Variants in CDH18 observed in about 807,000 individuals in gnomAD.
CDH18 encodes cadherin-18.
Under a neutral mutation model 67.9 loss-of-function variants are expected in CDH18, and 31 were observed. The observed-to-expected ratio is 0.46, with a 90% CI of 0.34 to 0.62. The LOEUF (loss-of-function observed/expected upper bound fraction) is 0.62. Among genes scored for constraint, CDH18 ranks in the 20% least tolerant of loss-of-function variants. CDH18 has a pLI of 0.01. For missense variants in CDH18, 890 were observed against 975.5 expected, an observed-to-expected ratio of 0.91 and a Z score of 1.17; for synonymous variants, 362 against 347.2, an observed-to-expected ratio of 1.04 and a Z score of -0.48.
Position 19,721,347 on chromosome 5 carries a change from C to T in CDH18, c.643G>A (p.Gly215Arg), listed in dbSNP as rs757870883. ...GCGAGTTATGTGTAAATGCACTAAC[C>T]TGTTTTAGGGTCGACGGAGAAGTAG... ...QPYFSVDPKT[G>R]VIRTALHNMD... Residue 215 changes from glycine to arginine, a missense_variant and splice_region_variant, in exon 5 of 13, where the codon GGA (glycine) becomes AGA (arginine). Transcript: ENST00000382275. 5.7e-6 allele frequency: 9 copies of T among 1,590,988 alleles called. No individual in the cohort carries two copies. Among genetic ancestry groups the T allele is most frequent in the Non-Finnish European group, 2.6e-6 (3 of 1,164,570 alleles).
chr5:20,040,600 C>T lies in CDH18; in HGVS notation c.-517-48586G>A, dbSNP rs1023969807. The stretch of plus-strand genomic sequence containing the variant: ...CAATATATAAAAAGCATCCTGGGAG[C>T]GATTCTCTTTCTAGCTTCAATGAGC... On this transcript the variant is annotated intron_variant, in intron 2 of 14. Transcript: ENST00000507958. 3.3e-5 allele frequency among the ~76,000 whole-genome samples: 5 copies of T among 152,162 alleles called. No homozygotes were observed. In the East Asian group the frequency reaches 7.7e-4, roughly 24 times the overall value.
chr5:20,308,540 C>CAAAAAAAAA (rs35827739), intron 1 of CDH18, among the ~76,000 whole-genome samples: 1 of 126,742 alleles, frequency 7.9e-6, no homozygotes, highest in South Asian at 2.6e-4. Context: ...GAGACTCAGT[C>CAAAAAAAAA]AAAAAAAAAA....
In CDH18 at chr5:20,560,100, G is replaced by A. The variant is rs149117169; in HGVS notation, c.-580+15362C>T. ...AGCTGCTAAGTGCAGGTGAGAAGTC[G>A]TCATGGAAAATTCAAGAACTGAATC... On this transcript the variant is annotated intron_variant, in intron 1 of 14. Transcript: ENST00000507958. Among the ~76,000 whole-genome samples, 515 of 152,198 alleles carry A rather than the reference G, an allele frequency of 3.4e-3. 9 individuals are homozygous for A. The highest frequency in any genetic ancestry group is 0.012 in the African/African-American group (491 of 41,538).
intron 1 of CDH18, among the ~76,000 whole-genome samples, chr5:20,362,683 T>A (rs1414372852): frequency 6.6e-6 from 1 of 152,166 alleles, no homozygotes; most frequent in Non-Finnish European, 1.5e-5. Context: ...ATGCTAGTGA[T>A]GCCTGGCAAG....
chr5:19,579,452 A>AT (rs145656726), intron 7 of CDH18, among the ~76,000 whole-genome samples: 2,700 of 150,870 alleles, frequency 0.018, 86 homozygotes, highest in African/African-American at 0.062. Context: ...GTGAAGTTCT[A>AT]TTTTTGTTTA....
At chr5:19,808,341 T>C (rs531618025) in intron 3 of CDH18, among the ~76,000 whole-genome samples, 1 of 150,702 alleles carries the variant, frequency 6.6e-6, no homozygotes, top group Admixed American at 6.6e-5. Context: ...AAAATAAAAC[T>C]GAATGTATTT....
At chr5:20,344,968 G>A (rs1334172201) in intron 1 of CDH18, among the ~76,000 whole-genome samples, 2 of 152,094 alleles carry the variant, frequency 1.3e-5, no homozygotes, top group African/African-American at 4.8e-5. Context: ...TGCTGCCCTT[G>A]CCAGCAATTA....
At chr5:20,462,148 G>A (rs1489967655) in intron 1 of CDH18, among the ~76,000 whole-genome samples, 2 of 152,114 alleles carry the variant, frequency 1.3e-5, no homozygotes, top group Non-Finnish European at 2.9e-5. Flanking sequence ...ATGAATAAAG[G>A]AAATGTGGCA....
At chr5:20,460,071 G>C (rs193215615) in intron 1 of CDH18, among the ~76,000 whole-genome samples, 98 of 152,106 alleles carry the variant, frequency 6.4e-4, no homozygotes, top group Admixed American at 1.2e-3. Flanking sequence ...TATTACTATT[G>C]AAAGAAAGAT....
intron 1 of CDH18, among the ~76,000 whole-genome samples, chr5:20,502,268 C>G (rs1754381064): frequency 6.6e-6 from 1 of 152,110 alleles, no homozygotes; most frequent in Non-Finnish European, 1.5e-5. Flanking sequence ...AAGATTGATG[C>G]TATAGATAAA....
intron 9 of CDH18, among the ~76,000 whole-genome samples, chr5:19,530,954 C>T (rs1748514273): frequency 6.6e-6 from 1 of 152,252 alleles, no homozygotes; most frequent in East Asian, 1.9e-4. Context: ...GTGTGCTGCA[C>T]CCACTGTCCT....
intron 1 of CDH18, among the ~76,000 whole-genome samples, chr5:20,559,002 G>A (rs1042087339): frequency 6.6e-6 from 1 of 150,954 alleles, no homozygotes; most frequent in African/African-American, 2.4e-5. Flanking sequence ...CACTTGTTGA[G>A]TTGATGAATC....
chr5:20,364,623 CCTGTAT>C (rs1216449447), intron 1 of CDH18, among the ~76,000 whole-genome samples: 1 of 152,120 alleles, frequency 6.6e-6, no homozygotes, highest in African/African-American at 2.4e-5. Context: ...GTATAGACTT[CCTGTAT>C]CTGTATCTGT....
chr5:20,453,579 GTGTGTGTGTGTGTATATGTATATATA>G (rs1417725412), intron 1 of CDH18, among the ~76,000 whole-genome samples: 1 of 149,822 alleles, frequency 6.7e-6, no homozygotes, highest in Non-Finnish European at 1.5e-5. Flanking sequence ...ATATATGTGT[GTGTGTGTGTGTGTATATGTATATATA>G]TGTGTGTGTG....
rs1742549780 is a variant in CDH18 at position 20,062,144 on chromosome 5, A to ATTATTATTATTATTAT, written c.-517-70146_-517-70131dup. 4.2e-5 allele frequency among the ~76,000 whole-genome samples: 6 copies of ATTATTATTATTATTAT among 143,430 alleles called. No individual in the cohort carries two copies. In the South Asian group the frequency reaches 1.3e-3, roughly 32 times the overall value. 94.1% of individuals were successfully genotyped at this position (143,430 alleles called of 152,430 possible). ...TAAACTAATCTTTAAGCCCAGAATT[A>ATTATTATTATTATTAT]TTATTATTATTATTATTATTATTAT... On this transcript the variant is annotated intron_variant, in intron 2 of 14. Coordinates refer to the CDH18 transcript ENST00000507958.
At chr5:20,092,039 T>C (rs1745485070) in intron 2 of CDH18, among the ~76,000 whole-genome samples, 1 of 152,150 alleles carries the variant, frequency 6.6e-6, no homozygotes, top group African/African-American at 2.4e-5. Flanking sequence ...TTTTCTTACA[T>C]GATTGCAGTG....
chr5:19,996,056 G>A (rs1021785467), intron 2 of CDH18, among the ~76,000 whole-genome samples: 15 of 152,004 alleles, frequency 9.9e-5, no homozygotes, highest in Non-Finnish European at 1.8e-4. Flanking sequence ...TCACAAAAAA[G>A]GGTTATTTTA....
intron 2 of CDH18, among the ~76,000 whole-genome samples, chr5:20,191,625 A>G (rs1738546834): frequency 6.6e-6 from 1 of 151,758 alleles, no homozygotes; most frequent in East Asian, 1.9e-4. Flanking sequence ...TTTTCTGTTC[A>G]TGTGTTAGTT....
At chr5:20,395,637 A>G (rs1025876271) in intron 1 of CDH18, among the ~76,000 whole-genome samples, 1 of 152,202 alleles carries the variant, frequency 6.6e-6, no homozygotes, top group Non-Finnish European at 1.5e-5. Flanking sequence ...TTATTACATC[A>G]AAGTTATAAT....
Sources: allele counts gnomAD v4.1 joint callset (sites outside exome capture counted in the v4.1 genomes callset), GRCh38; gene constraint gnomAD v4.1.1; transcripts MANE v1.5; gene names NCBI Gene and HGNC (gene_info 2026-07-23, HGNC 2026-07-21).